Variants in NHSL1 observed in about 807,000 individuals in gnomAD.
The protein encoded by NHSL1 is NHS-like protein 1.
NHSL1 carries 48 observed loss-of-function variants against 95.0 expected under a neutral mutation model. That is an observed-to-expected ratio of 0.51 (90% CI 0.40 to 0.64). The LOEUF (loss-of-function observed/expected upper bound fraction) is 0.64. Ranked by LOEUF, NHSL1 falls within the 30% of genes least tolerant of loss-of-function variation. The pLI is 0.00. For synonymous variants in NHSL1, 783 were observed against 833.9 expected, an observed-to-expected ratio of 0.94 and a Z score of 1.05; for missense variants, 1,971 against 2,077.7, an observed-to-expected ratio of 0.95 and a Z score of 1.00.
intron 3 of NHSL1, among the ~76,000 whole-genome samples, chr6:138,470,285 C>G (rs1249452977): frequency 6.6e-6 from 1 of 151,962 alleles, no homozygotes; most frequent in Non-Finnish European, 1.5e-5. Context: ...CAAGATTAAC[C>G]TGAATTTTTA....
intron 1 of NHSL1, among the ~76,000 whole-genome samples, chr6:138,648,752 A>G (rs1785051751): frequency 6.6e-6 from 1 of 152,252 alleles, no homozygotes; most frequent in African/African-American, 2.4e-5. Context: ...GTAACAGATC[A>G]TAAGAGCAAT....
At chr6:138,509,471 G>A (rs1183219399) in intron 1 of NHSL1, among the ~76,000 whole-genome samples, 3 of 152,110 alleles carry the variant, frequency 2.0e-5, no homozygotes, top group South Asian at 2.1e-4. Flanking sequence ...ATCTATACTC[G>A]AAAGGGATTT....
intron 1 of NHSL1, among the ~76,000 whole-genome samples, chr6:138,610,642 G>A (rs1039059014): frequency 1.3e-5 from 2 of 151,612 alleles, no homozygotes; most frequent in African/African-American, 4.8e-5. Context: ...CTTTGTGTTA[G>A]TTTCATCCTA....
At chr6:138,492,065 A>G (rs1780110114) in intron 2 of NHSL1, among the ~76,000 whole-genome samples, 1 of 152,248 alleles carries the variant, frequency 6.6e-6, no homozygotes, top group Non-Finnish European at 1.5e-5. Flanking sequence ...TGTGACCATC[A>G]AATTTTATCA....
At chr6:138,475,163 A>G (rs190383893) in intron 2 of NHSL1, among the ~76,000 whole-genome samples, 8,327 of 151,884 alleles carry the variant, frequency 0.055, 646 homozygotes, top group East Asian at 0.29. Context: ...AAAAAAAAAA[A>G]AAGAAGTTTT....
intron 1 of NHSL1, among the ~76,000 whole-genome samples, chr6:138,621,215 G>A (rs1784658838): frequency 6.6e-6 from 1 of 152,184 alleles, no homozygotes; most frequent in Non-Finnish European, 1.5e-5. Flanking sequence ...TGGTATGCAA[G>A]TCAAACATAT....
intron 2 of NHSL1, among the ~76,000 whole-genome samples, chr6:138,490,823 G>A (rs948620004): frequency 3.3e-5 from 5 of 152,064 alleles, no homozygotes; most frequent in Admixed American, 1.3e-4. Context: ...TAGTAGAGAC[G>A]GGGTTTCACC....
At chr6:138,491,079 T>C (rs1309689145) in intron 2 of NHSL1, among the ~76,000 whole-genome samples, 5 of 152,238 alleles carry the variant, frequency 3.3e-5, no homozygotes, top group Non-Finnish European at 5.9e-5. Flanking sequence ...TGACTTTGAA[T>C]GACATAGGCC....
chr6:138,663,989 C>G (rs1785263413), intron 1 of NHSL1, among the ~76,000 whole-genome samples: 1 of 152,188 alleles, frequency 6.6e-6, no homozygotes, highest in Non-Finnish European at 1.5e-5. Flanking sequence ...CCTGAAATGT[C>G]TCTGAAATAT....
chr6:138,629,881 C>G (rs923813988), intron 1 of NHSL1, among the ~76,000 whole-genome samples: 2 of 152,130 alleles, frequency 1.3e-5, no homozygotes, highest in Admixed American at 6.6e-5. Flanking sequence ...GTTGTATAGT[C>G]TACAGAAATA....
At chr6:138,622,782 C>G (rs1441621862) in intron 1 of NHSL1, among the ~76,000 whole-genome samples, 2 of 152,156 alleles carry the variant, frequency 1.3e-5, no homozygotes, top group Non-Finnish European at 2.9e-5. Flanking sequence ...TTATCAGAGC[C>G]TACGCTTGGT....
intron 3 of NHSL1, among the ~76,000 whole-genome samples, chr6:138,470,991 T>TAG (rs1489726801): frequency 6.6e-6 from 1 of 152,182 alleles, no homozygotes; most frequent in Non-Finnish European, 1.5e-5. Context: ...TTTATATATA[T>TAG]TCCCTTATAC....
intron 2 of NHSL1, among the ~76,000 whole-genome samples, chr6:138,474,296 T>C (rs1778934973): frequency 6.6e-6 from 1 of 152,172 alleles, no homozygotes; most frequent in East Asian, 1.9e-4. Flanking sequence ...CGTGTGTGGT[T>C]TTGGAAAAGT....
chr6:138,487,068 C>A (rs1039977180), intron 2 of NHSL1, among the ~76,000 whole-genome samples: 3 of 152,070 alleles, frequency 2.0e-5, no homozygotes, highest in Non-Finnish European at 2.9e-5. Flanking sequence ...GAAAGAAGAA[C>A]AAGACAAGCT....
At chr6:138,654,992 G>A (rs1214953435) in intron 1 of NHSL1, among the ~76,000 whole-genome samples, 1 of 152,084 alleles carries the variant, frequency 6.6e-6, no homozygotes, top group African/African-American at 2.4e-5. Context: ...TTTCCATACT[G>A]GTGGATAATT....
chr6:138,478,437 A>G (rs117066841), intron 2 of NHSL1, among the ~76,000 whole-genome samples: 5,176 of 152,112 alleles, frequency 0.034, 120 homozygotes, highest in Non-Finnish European at 0.059. Context: ...ATAAAATTCC[A>G]CTGTCATTTA....
In NHSL1 at chr6:138,424,153, C is replaced by T; in HGVS notation, c.4749G>A (p.Val1583=). Residue 1583 remains valine, a synonymous_variant, in exon 8 of 8, where the codon GTG becomes GTA. Transcript: ENST00000343505. The surrounding 1 kb of genome is among the most constrained non-coding windows in gnomAD (Gnocchi z 5.9). ...ASLQPQAPGP[V]DGTASAEGRE... ...TGCCCTCTGCACTGGCTGTCCCATCCACAGGGCCGGGGGCCTGGGGCTGCA... is the reference window on the plus strand; with the variant it reads ...TGCCCTCTGCACTGGCTGTCCCATCTACAGGGCCGGGGGCCTGGGGCTGCA... 6.9e-7 allele frequency: 1 copy of T among 1,446,354 alleles called. No individual in the cohort carries two copies. Among genetic ancestry groups the T allele is most frequent in the Non-Finnish European group, 9.1e-7 (1 of 1,103,702 alleles). 89.6% of individuals were successfully genotyped at this position (1,446,354 alleles called of 1,614,324 possible). A position where few individuals can be genotyped will look rare whatever the true frequency, so the allele number is the denominator to read the frequency against.
intron 4 of NHSL1, among the ~76,000 whole-genome samples, chr6:138,446,611 T>G (rs1249666419): frequency 6.6e-6 from 1 of 152,204 alleles, no homozygotes; most frequent in African/African-American, 2.4e-5. Flanking sequence ...AAAATAATTA[T>G]TTACTTCTGT....
chr6:138,495,739 T>C (rs1341329338), intron 2 of NHSL1, among the ~76,000 whole-genome samples: 1 of 152,180 alleles, frequency 6.6e-6, no homozygotes, highest in African/African-American at 2.4e-5. Context: ...GAAAAAGATA[T>C]ACCCAAGACT....
Sources: allele counts gnomAD v4.1 joint callset (sites outside exome capture counted in the v4.1 genomes callset), GRCh38; gene constraint gnomAD v4.1.1; non-coding constraint Gnocchi (gnomAD v3.1); transcripts MANE v1.5; gene names NCBI Gene and HGNC (gene_info 2026-07-23, HGNC 2026-07-21).